The following DPP9 variants were observed in gnomAD, a reference collection of about 807,000 sequenced individuals.
The protein encoded by DPP9 is dipeptidyl peptidase IV-related protein-2.
Under a neutral mutation model 110.7 loss-of-function variants are expected in DPP9, and 50 were observed. The ratio of observed to expected loss-of-function variants is 0.45; its 90% CI spans 0.36 to 0.57. The LOEUF is 0.57. Ranked by LOEUF, DPP9 falls within the 20% of genes least tolerant of loss-of-function variation. The pLI is 0.00. For missense variants in DPP9, 1,022 were observed against 1,217.9 expected (o/e 0.84, Z 2.39); for synonymous variants, 561 against 514.4 (o/e 1.09, Z -1.23).
chr19:4,685,360 T>C lies in DPP9; in HGVS notation c.2031+266A>G, dbSNP rs1189544300. 1 of 627,304 alleles carries C rather than the reference T, an allele frequency of 1.6e-6. No individual in the cohort carries two copies. The highest frequency in any genetic ancestry group is 3.0e-6 in the Non-Finnish European group (1 of 337,230). 38.9% of individuals were successfully genotyped at this position (627,304 alleles called of 1,614,324 possible). A position where few individuals can be genotyped will look rare whatever the true frequency, so the allele number is the denominator to read the frequency against. Reference sequence around the variant, plus strand: ...CCAACCTGGAGACTAGGGGACTTCCTAGAGGAACAAGGGAGAGTCAGCAGG... The same window carrying C: ...CCAACCTGGAGACTAGGGGACTTCCCAGAGGAACAAGGGAGAGTCAGCAGG... On this transcript the variant is annotated intron_variant, in intron 17 of 21. Transcript: ENST00000262960. The surrounding 1 kb of genome is among the most constrained non-coding windows in gnomAD (Gnocchi z 5.8).
At chr19:4,678,030 C>T (rs188896292) in intron 21 of DPP9, among the ~76,000 whole-genome samples, 61 of 152,352 alleles carry the variant, frequency 4.0e-4, no homozygotes, top group African/African-American at 1.3e-3. Flanking sequence ...TCTCATCTCA[C>T]GTTCTACTTC....
chr19:4,693,621 C>G lies in DPP9; in HGVS notation c.1516+1040G>C, dbSNP rs1003316813. On this transcript the variant is annotated intron_variant, in intron 13 of 21. Coordinates refer to ENST00000262960, the MANE Select transcript of DPP9 (RefSeq NM_139159.5). This position sits in a 1 kb window ranked among gnomAD's most constrained non-coding sequence, Gnocchi z 5.0. ...GTCCAAGCACATCCAGAATCAGACC[C>G]ACCAGGACAGCTCAGCCACTGCCAT... Among the ~76,000 whole-genome samples the G allele has an allele frequency of 3.3e-5, 5 of 152,144 alleles. No individual in the cohort carries two copies. The highest frequency in any genetic ancestry group is 2.0e-4 in the Admixed American group (3 of 15,274).
At chr19:4,686,038 G>T (rs544496468) in intron 16 of DPP9, 3 of 353,254 alleles carry the variant, frequency 8.5e-6, no homozygotes. Context: ...TCGGCCTCCT[G>T]TGTAGGGTCA....
chr19:4,696,225 A>C (rs1391798861), intron 11 of DPP9, among the ~76,000 whole-genome samples: 1 of 152,144 alleles, frequency 6.6e-6, no homozygotes, highest in Non-Finnish European at 1.5e-5. Flanking sequence ...TTAAACTTGA[A>C]TTTATTTTAA....
At position 4,719,860 on chromosome 19, in the gene DPP9, C is replaced by A. The variant is rs1391262376; in HGVS notation, c.47G>T (p.Ser16Ile). The A allele has an allele frequency of 2.6e-6, 4 of 1,551,668 alleles. No individual in the cohort carries two copies. In the South Asian group the frequency reaches 3.6e-5, roughly 14 times the overall value. The change falls in exon 3 of 22, where the codon AGT (serine) becomes ATT (isoleucine). Residue 16 changes from serine to isoleucine, a missense_variant. Around this residue, in one of 3 missense-constraint regions of DPP9, gnomAD observed 810 missense variants for 920.6 expected, o/e 0.88. Transcript: ENST00000262960. ...KLRLDKENTG[S>I]WRSFSLNSEG... ...CCGAGGCCAACCTCACCTTCTCCAA[C>A]TTCCGGTGTTCTCCTTGTCCAGGCG...
In DPP9 at chr19:4,710,500, G is replaced by A. The variant is rs541292110; in HGVS notation, c.313+3581C>T. Among the ~76,000 whole-genome samples, 60 of 152,294 alleles carry A rather than the reference G, an allele frequency of 3.9e-4. No individual in the cohort carries two copies. Among genetic ancestry groups the A allele is most frequent in the Non-Finnish European group, 5.6e-4 (38 of 68,022 alleles). ...GCCCATCTTCCCAGCAGCAGGAACC[G>A]CACGTTCCCCCGCTGCTCCTGCTAG... On this transcript the variant is annotated intron_variant, in intron 4 of 21. Coordinates refer to ENST00000262960, the MANE Select transcript of DPP9 (RefSeq NM_139159.5). This position sits in a 1 kb window ranked among gnomAD's most constrained non-coding sequence, Gnocchi z 5.6.
chr19:4,714,561 A>T (rs2092986873), intron 3 of DPP9, among the ~76,000 whole-genome samples: 1 of 151,944 alleles, frequency 6.6e-6, no homozygotes. Flanking sequence ...CTTTAAAAAC[A>T]TTCTTCTTTT....
chr19:4,719,774 C>T lies in DPP9; in HGVS notation c.56+77G>A. On this transcript the variant is annotated intron_variant, in intron 3 of 21. Coordinates refer to ENST00000262960, the MANE Select transcript of DPP9 (RefSeq NM_139159.5). ...AGGGGAGAGGGAAAGAAGGGGCCTT[C>T]CAGATCTTAGACTGTTGGGGAATTC... The T allele has an allele frequency of 5.3e-6, 8 of 1,511,100 alleles. No homozygotes were observed. In the South Asian group the frequency reaches 8.4e-5, roughly 16 times the overall value. 93.6% of individuals were successfully genotyped at this position (1,511,100 alleles called of 1,614,324 possible). A position where few individuals can be genotyped will look rare whatever the true frequency, so the allele number is the denominator to read the frequency against.
chr19:4,705,488 C>A (rs1248136378), intron 5 of DPP9, among the ~76,000 whole-genome samples: 2 of 152,234 alleles, frequency 1.3e-5, no homozygotes, highest in Non-Finnish European at 2.9e-5. Flanking sequence ...TCCCAATCAT[C>A]AAACACAAAA....
intron 14 of DPP9, 127 bp downstream of exon 14, chr19:4,690,751 G>A (rs2091239890): frequency 1.3e-6 from 1 of 771,686 alleles, no homozygotes; most frequent in Non-Finnish European, 2.2e-6. Flanking sequence ...GTGTGCGTGT[G>A]TGTATGTGTG....
chr19:4,690,886 C>G lies in DPP9; in HGVS notation c.1588G>C (p.Gly530Arg). 1 of 1,612,458 alleles carries G rather than the reference C, an allele frequency of 6.2e-7. No homozygotes were observed. Among genetic ancestry groups the G allele is most frequent in the Non-Finnish European group, 8.5e-7 (1 of 1,179,320 alleles). Residue 530 changes from glycine to arginine, a missense_variant, in exon 14 of 22, where the codon GGC becomes CGC. This residue lies in a region of DPP9 where 810 missense variants were observed against 920.6 expected (regional missense o/e 0.88). Coordinates refer to ENST00000262960, the MANE Select transcript of DPP9 (RefSeq NM_139159.5). Reference sequence around the variant, plus strand: ...CAAGGAGACCCTGGTACCTTGGAGCCGTGCCTCGCCAAAACCTCCCATTCA... The same window carrying G: ...CAAGGAGACCCTGGTACCTTGGAGCGGTGCCTCGCCAAAACCTCCCATTCA... Reference protein sequence around the residue: ...SGEWEVLARHGSKIWVNEETK... With the variant: ...SGEWEVLARHRSKIWVNEETK...
At chr19:4,708,245 C>T (rs2092680760) in intron 4 of DPP9, among the ~76,000 whole-genome samples, 2 of 152,202 alleles carry the variant, frequency 1.3e-5, no homozygotes. Context: ...ACCCTGACCC[C>T]CTTGCCGAGG....
rs2093161493 is a variant in DPP9, at chr19:4,718,151, C to A, written c.56+1700G>T. 6.6e-6 allele frequency among the ~76,000 whole-genome samples: 1 copy of A among 152,116 alleles called. No individual in the cohort carries two copies. Among genetic ancestry groups the A allele is most frequent in the Non-Finnish European group, 1.5e-5 (1 of 68,028 alleles). ...CCCAGGCTGGTCTCAAACTCCTGGG[C>A]TCCAGCGATCCTGCCACCTCGGTCT... On this transcript the variant is annotated intron_variant, in intron 3 of 21. Coordinates refer to ENST00000262960, the MANE Select transcript of DPP9 (RefSeq NM_139159.5). The surrounding 1 kb of genome is among the most constrained non-coding windows in gnomAD (Gnocchi z 4.3).
In DPP9 at chr19:4,693,013, T is replaced by C. The variant is rs2091464554; in HGVS notation, c.1516+1648A>G. Among the ~76,000 whole-genome samples the C allele has an allele frequency of 1.3e-5, 2 of 152,112 alleles. No individual in the cohort carries two copies. The highest frequency in any genetic ancestry group is 6.5e-5 in the Admixed American group (1 of 15,278). On this transcript the variant is annotated intron_variant, in intron 13 of 21. Transcript: ENST00000262960. The surrounding 1 kb of genome is among the most constrained non-coding windows in gnomAD (Gnocchi z 5.0). ...GCCCTTCAGCTCCTGCAGTCCCGGA[T>C]GCCTCGCTCCCTGGGGTCTCTGTCC...
intron 3 of DPP9, chr19:4,716,065 C>T (rs1160851029): frequency 6.6e-6 from 1 of 152,266 alleles, no homozygotes; most frequent in Non-Finnish European, 1.5e-5. Context: ...TGCCAGAAGC[C>T]CTGTCCTCCG....
At chr19:4,702,783 G>A (rs911062874) in intron 7 of DPP9, 67 bp from the exon 8 acceptor site, 1 of 915,292 alleles carries the variant, frequency 1.1e-6, no homozygotes, top group Admixed American at 2.4e-5. Context: ...ACAGCCAGGG[G>A]CTCAAGGAGA....
chr19:4,677,093 T>C (rs2088938972), intron 21 of DPP9, among the ~76,000 whole-genome samples: 1 of 152,114 alleles, frequency 6.6e-6, no homozygotes, highest in Non-Finnish European at 1.5e-5. Flanking sequence ...CTCTGGGCCT[T>C]AGGACAGCTG....
In DPP9 at chr19:4,722,222, G is replaced by A. The variant is rs898843755; in HGVS notation, c.-36+277C>T. 2.0e-5 allele frequency: 9 copies of A among 443,084 alleles called. No individual in the cohort carries two copies. In the Admixed American group the frequency reaches 3.1e-4, roughly 15 times the overall value. 27.4% of individuals were successfully genotyped at this position (443,084 alleles called of 1,614,324 possible). On this transcript the variant is annotated intron_variant, in intron 2 of 21. Transcript: ENST00000262960. ...GGTCAGGCAGTGTAGGTGGATCCAG[G>A]CACCCCTCCACCAAATCCTGCTGAA...
chr19:4,690,818 T>C, intron 14 of DPP9, 60 bp downstream of exon 14: 2 of 1,304,214 alleles, frequency 1.5e-6, no homozygotes, highest in East Asian at 2.4e-5. Context: ...TGTGTGTGAG[T>C]GTATGTGTGT....
Sources: gnomAD v4.1 joint callset for allele counts (sites outside exome capture counted in the v4.1 genomes callset) on GRCh38, gnomAD v4.1.1 for gene constraint, gnomAD v4.1.1 regional missense constraint, Gnocchi (gnomAD v3.1) non-coding constraint, MANE v1.5 for transcripts, NCBI Gene and HGNC (gene_info 2026-07-23, HGNC 2026-07-21) for gene names.